Variants in FLNC observed in about 807,000 individuals in gnomAD.
The protein encoded by FLNC is filamin-C.
FLNC carries 91 observed loss-of-function variants against 254.3 expected under a neutral mutation model. The observed-to-expected ratio is 0.36, with a 90% CI of 0.30 to 0.43. The LOEUF (loss-of-function observed/expected upper bound fraction) is 0.43. Ranked by LOEUF, FLNC falls within the 20% of genes least tolerant of loss-of-function variation. FLNC has a pLI of 1.00. For synonymous variants in FLNC, 1,430 were observed against 1,577.2 expected (o/e 0.91, Z 2.21); for missense variants, 2,853 against 3,802.6 (o/e 0.75, Z 6.57).
chr7:128,852,438 C>T (rs1354924864), intron 35 of FLNC, among the ~76,000 whole-genome samples, 153 bp from the exon 36 acceptor site: 1 of 152,208 alleles, frequency 6.6e-6, no homozygotes. Context: ...TGAGTGCAGA[C>T]TGCACTTTCC....
chr7:128,852,863 G>A lies in FLNC; in HGVS notation c.6040G>A (p.Val2014Met), dbSNP rs772477251. 56 of 1,613,750 alleles carry A rather than the reference G, an allele frequency of 3.5e-5. No homozygotes were observed. Among genetic ancestry groups the A allele is most frequent in the African/African-American group, 5.3e-5 (4 of 74,940 alleles). Residue 2014 changes from valine (V) to methionine (M), a missense_variant, in exon 37 of 48, where the codon GTG (valine) becomes ATG (methionine). Val to Met is a conservative substitution (Grantham distance 21). Around this residue, in one of 10 missense-constraint regions of FLNC, gnomAD observed 551 missense variants for 835.0 expected, o/e 0.66. Coordinates refer to ENST00000325888, the MANE Select transcript of FLNC (RefSeq NM_001458.5). The part of the protein sequence containing the change: ...SFTPKEVGEH[V>M]VSVRKSGKHV... Reference sequence around the variant, plus strand: ...CACCCCCAAGGAGGTCGGGGAGCACGTGGTGAGCGTGCGCAAGAGTGGCAA... The same window carrying A: ...CACCCCCAAGGAGGTCGGGGAGCACATGGTGAGCGTGCGCAAGAGTGGCAA...
intron 29 of FLNC, 54 bp from the exon 30 acceptor site, chr7:128,849,275 CAG>C (rs1222006166): frequency 2.1e-5 from 34 of 1,613,990 alleles, no homozygotes; most frequent in Non-Finnish European, 2.8e-5. Flanking sequence ...GCAGCGGGAA[CAG>C]AGAGGGCTGG....
chr7:128,853,541 G>C lies in FLNC; in HGVS notation c.6281G>C (p.Gly2094Ala). 6.2e-7 allele frequency: 1 copy of C among 1,614,108 alleles called. No homozygotes were observed. The highest frequency in any genetic ancestry group is 8.5e-7 in the Non-Finnish European group (1 of 1,180,024). ...VDINCEDMED[G>A]TCKVTYCPTE... Reference sequence around the variant, plus strand: ...ATCAACTGTGAGGACATGGAGGACGGGACATGCAAAGTCACCTACTGCCCC... The same window carrying C: ...ATCAACTGTGAGGACATGGAGGACGCGACATGCAAAGTCACCTACTGCCCC... Residue 2094 changes from glycine to alanine, a missense_variant, in exon 38 of 48, where the codon GGG becomes GCG. Coordinates refer to ENST00000325888, the MANE Select transcript of FLNC (RefSeq NM_001458.5).
rs766081127 is a variant in FLNC, at chr7:128,830,681, G to T, written c.44G>T (p.Gly15Val). 5 of 1,612,778 alleles carry T rather than the reference G, an allele frequency of 3.1e-6. No homozygotes were observed. The Admixed American group carries it at 8.3e-5, about 27-fold the overall frequency. Reference sequence around the variant, plus strand: ...TACTCAGACGCCGGCCTCGGCCTGGGCGATGAGACAGACGAGATGCCGTCC... The same window carrying T: ...TACTCAGACGCCGGCCTCGGCCTGGTCGATGAGACAGACGAGATGCCGTCC... Reference protein sequence around the residue: ...SGYSDAGLGLGDETDEMPSTE... With the variant: ...SGYSDAGLGLVDETDEMPSTE... The change falls in exon 1 of 48, where the codon GGC becomes GTC. Residue 15 changes from glycine to valine, a missense_variant. By Grantham distance (109) the Gly-to-Val change is moderately radical. Coordinates refer to ENST00000325888, the MANE Select transcript of FLNC (RefSeq NM_001458.5).
intron 37 of FLNC, 53 bp downstream of exon 37, chr7:128,853,084 T>C: frequency 6.6e-7 from 1 of 1,525,138 alleles, no homozygotes; most frequent in African/African-American, 1.4e-5. Context: ...CCACAGGCAC[T>C]TGTCCTCGTC....
In FLNC at chr7:128,849,334, C is replaced by G. The variant is rs774335409; in HGVS notation, c.4955C>G (p.Ala1652Gly). The G allele has an allele frequency of 6.2e-7, 1 of 1,614,090 alleles. No homozygotes were observed. The highest frequency in any genetic ancestry group is 2.2e-5 in the East Asian group (1 of 44,884). ...TVSIGGHGLG[A>G]CLGPRIQIGQ... ...AGCAGGATCTCCCGCATGGCAGGTGCCTGCCTGGGCCCTCGAATCCAGATT... is the reference window on the plus strand; with the variant it reads ...AGCAGGATCTCCCGCATGGCAGGTGGCTGCCTGGGCCCTCGAATCCAGATT... Residue 1652 changes from alanine to glycine, a missense_variant, in exon 30 of 48, where the codon GCC becomes GGC. Around this residue, in one of 10 missense-constraint regions of FLNC, gnomAD observed 258 missense variants for 312.3 expected, o/e 0.83. Transcript: ENST00000325888.
rs760711912 is a variant in FLNC, at chr7:128,835,422, A to G, written c.449A>G (p.Asp150Gly). Reference protein sequence around the residue: ...HYSISMPMWEDEDDEDARKQT... With the variant: ...HYSISMPMWEGEDDEDARKQT... The stretch of plus-strand genomic sequence containing the variant: ...TCCATCTCCATGCCCATGTGGGAGG[A>G]TGAAGATGATGAGGATGCCCGCAAA... Residue 150 changes from aspartate to glycine, a missense_variant, in exon 2 of 48, where the codon GAT (aspartate) becomes GGT (glycine). Physicochemically the swap from Asp to Gly is moderately conservative, Grantham distance 94. Around this residue, in one of 10 missense-constraint regions of FLNC, gnomAD observed 115 missense variants for 230.3 expected, o/e 0.50. Transcript: ENST00000325888. The surrounding 1 kb of genome is among the most constrained non-coding windows in gnomAD (Gnocchi z 5.3). The G allele has an allele frequency of 2.9e-5, 47 of 1,613,894 alleles. No individual in the cohort carries two copies. The highest frequency in any genetic ancestry group is 4.0e-5 in the Non-Finnish European group (47 of 1,180,022).
At position 128,841,582 on chromosome 7, in the gene FLNC, A is replaced by T; in HGVS notation, c.2121+15A>T. 1 of 1,591,346 alleles carries T rather than the reference A, an allele frequency of 6.3e-7. No homozygotes were observed. The highest frequency in any genetic ancestry group is 8.6e-7 in the Non-Finnish European group (1 of 1,159,166). Reference sequence around the variant, plus strand: ...TCTATGCCCAGGTAGGTCATTGTCCAGTCTCTGCTGCCCTTACTACCCATG... The same window carrying T: ...TCTATGCCCAGGTAGGTCATTGTCCTGTCTCTGCTGCCCTTACTACCCATG... On this transcript the variant is annotated intron_variant, in intron 13 of 47. Coordinates refer to ENST00000325888, the MANE Select transcript of FLNC (RefSeq NM_001458.5). This position sits in a 1 kb window ranked among gnomAD's most constrained non-coding sequence, Gnocchi z 4.3.
At chr7:128,845,916 AG>A in intron 21 of FLNC, 73 bp from the exon 22 acceptor site, 1 of 1,323,578 alleles carries the variant, frequency 7.6e-7, no homozygotes, top group Non-Finnish European at 1.1e-6. Context: ...GAGGGAAAGG[AG>A]GGGGAGAGGA....
chr7:128,838,503 G>A, intron 7 of FLNC, 74 bp downstream of exon 7: 2 of 1,599,380 alleles, frequency 1.3e-6, no homozygotes, highest in Non-Finnish European at 8.6e-7. Flanking sequence ...GGGGGAGGCT[G>A]GGACAGGGAT....
In FLNC at chr7:128,856,401, C is replaced by A; in HGVS notation, c.7252-117C>A. On this transcript the variant is annotated intron_variant, in intron 43 of 47. Transcript: ENST00000325888. The surrounding 1 kb of genome is among the most constrained non-coding windows in gnomAD (Gnocchi z 5.9). ...GCTGGCAGGCAGGGGCCAGGCTGGGCATGGGGTGGCAGCAGCCTTTGGGCT... is the reference window on the plus strand; with the variant it reads ...GCTGGCAGGCAGGGGCCAGGCTGGGAATGGGGTGGCAGCAGCCTTTGGGCT... 7.3e-7 allele frequency: 1 copy of A among 1,363,712 alleles called. No individual in the cohort carries two copies. Among genetic ancestry groups the A allele is most frequent in the South Asian group, 1.2e-5 (1 of 83,938 alleles). The allele number at this position is 1,363,712 out of a possible 1,614,324, so 84.5% of individuals were successfully genotyped here. A position where few individuals can be genotyped will look rare whatever the true frequency, so the allele number is the denominator to read the frequency against.
chr7:128,835,259 G>A lies in FLNC; in HGVS notation c.353-67G>A. 6.2e-7 allele frequency: 1 copy of A among 1,608,936 alleles called. No homozygotes were observed. The highest frequency in any genetic ancestry group is 8.5e-7 in the Non-Finnish European group (1 of 1,178,326). ...CTGGCCCGAGGAGCTGCGCAGGTGAGGGAGGGTGCTCTGGGGCAGTGGAGG... is the reference window on the plus strand; with the variant it reads ...CTGGCCCGAGGAGCTGCGCAGGTGAAGGAGGGTGCTCTGGGGCAGTGGAGG... On this transcript the variant is annotated intron_variant, in intron 1 of 47. Transcript: ENST00000325888. The surrounding 1 kb of genome is among the most constrained non-coding windows in gnomAD (Gnocchi z 5.3).
At chr7:128,831,017 G>T (rs773611547) in intron 1 of FLNC, 28 bp downstream of exon 1, 2 of 1,595,662 alleles carry the variant, frequency 1.3e-6, no homozygotes, top group South Asian at 1.1e-5. Context: ...GGGCACGGGC[G>T]CTGCGGGGAT....
Position 128,847,636 on chromosome 7 carries a change from C to T in FLNC, c.4289-61C>T. 3.1e-6 allele frequency: 5 copies of T among 1,605,434 alleles called. No individual in the cohort carries two copies. In the South Asian group the frequency reaches 3.3e-5, roughly 11 times the overall value. On this transcript the variant is annotated intron_variant, in intron 24 of 47. Coordinates refer to ENST00000325888, the MANE Select transcript of FLNC (RefSeq NM_001458.5). ...GGGAAGGCCTCCTCCTCCGAGGCTCCTCAGCATCAGGGGGACCCATCAGGG... is the reference window on the plus strand; with the variant it reads ...GGGAAGGCCTCCTCCTCCGAGGCTCTTCAGCATCAGGGGGACCCATCAGGG...
Position 128,851,561 on chromosome 7 carries a change from C to G in FLNC, c.5775C>G (p.Asp1925Glu). The G allele has an allele frequency of 6.2e-7, 1 of 1,614,030 alleles. No individual in the cohort carries two copies. The highest frequency in any genetic ancestry group is 8.5e-7 in the Non-Finnish European group (1 of 1,180,044). The change falls in exon 35 of 48, where the codon GAC becomes GAG. Residue 1925 changes from aspartate to glutamate, a missense_variant. By Grantham distance (45) the Asp-to-Glu change is conservative (BLOSUM62 2). This residue lies in a region of FLNC where 551 missense variants were observed against 835.0 expected (regional missense o/e 0.66). Coordinates refer to ENST00000325888, the MANE Select transcript of FLNC (RefSeq NM_001458.5). Reference sequence around the variant, plus strand: ...CCTATCTGCCGACTGCGCCTGGAGACTACAGCATCATCGTGCGCTTCGATG... The same window carrying G: ...CCTATCTGCCGACTGCGCCTGGAGAGTACAGCATCATCGTGCGCTTCGATG... ...TVSYLPTAPG[D>E]YSIIVRFDDK...
At chr7:128,831,626 GTCC>G (rs1440651352) in intron 1 of FLNC, among the ~76,000 whole-genome samples, 1 of 152,228 alleles carries the variant, frequency 6.6e-6, no homozygotes, top group African/African-American at 2.4e-5. Context: ...ACCCCTGTCT[GTCC>G]TCCTCCTGCT....
At position 128,856,580 on chromosome 7, in the gene FLNC, C is replaced by A. The variant is rs765385925; in HGVS notation, c.7314C>A (p.Gly2438=). 1.9e-6 allele frequency: 3 copies of A among 1,612,750 alleles called. No homozygotes were observed. The Admixed American group carries it at 5.0e-5, about 27-fold the overall frequency. ...SFAVQLNGAR[G]VIDARVHTPS... is the part of the protein sequence containing the mutation. ...CCGTGCAGCTGAACGGTGCCCGGGG[C>A]GTGATTGATGCCCGGGTGCACACAC... is the stretch of plus-strand genomic sequence containing the variant. Residue 2438 remains glycine, a synonymous_variant, in exon 44 of 48, where the codon GGC becomes GGA. Transcript: ENST00000325888. This position sits in a 1 kb window ranked among gnomAD's most constrained non-coding sequence, Gnocchi z 5.9.
Position 128,841,448 on chromosome 7 carries a change from G to A in FLNC, c.2008-6G>A, listed in dbSNP as rs577813339. ...TCCCCAACTCAGCCTTCTTCCCTCCGCACAGGTGAAGGCCTTTGGGCCTGG... is the reference window on the plus strand; with the variant it reads ...TCCCCAACTCAGCCTTCTTCCCTCCACACAGGTGAAGGCCTTTGGGCCTGG... On this transcript the variant is annotated splice_polypyrimidine_tract_variant and splice_region_variant and intron_variant, in intron 12 of 47. Coordinates refer to ENST00000325888, the MANE Select transcript of FLNC (RefSeq NM_001458.5). This position sits in a 1 kb window ranked among gnomAD's most constrained non-coding sequence, Gnocchi z 4.3. 74 of 1,613,750 alleles carry A rather than the reference G, an allele frequency of 4.6e-5. No homozygotes were observed. Among genetic ancestry groups the A allele is most frequent in the South Asian group, 8.8e-5 (8 of 91,084 alleles).
chr7:128,831,162 G>A (rs1807876191), intron 1 of FLNC, among the ~76,000 whole-genome samples, 173 bp downstream of exon 1: 1 of 152,152 alleles, frequency 6.6e-6, no homozygotes, highest in African/African-American at 2.4e-5. Context: ...AGGGCCATGG[G>A]CACTGCCTGC....
Sources: allele counts gnomAD v4.1 joint callset (sites outside exome capture counted in the v4.1 genomes callset), GRCh38; gene constraint gnomAD v4.1.1; regional missense constraint gnomAD v4.1.1; non-coding constraint Gnocchi (gnomAD v3.1); transcripts MANE v1.5; gene names NCBI Gene and HGNC (gene_info 2026-07-23, HGNC 2026-07-21).